Variants in ARHGDIB observed in about 807,000 individuals in gnomAD.
The protein encoded by ARHGDIB is rho GDP-dissociation inhibitor 2.
Under a neutral mutation model 22.6 loss-of-function variants are expected in ARHGDIB, and 20 were observed. That is an observed-to-expected ratio of 0.88 (90% confidence interval 0.62 to 1.28). The LOEUF is 1.28. ARHGDIB is among the 50% of genes most tolerant of loss of function. The probability of loss-of-function intolerance (pLI) is 0.00; values close to 1 mark genes in which losing one functional copy is unlikely to be tolerated. For synonymous variants in ARHGDIB, 114 were observed against 96.1 expected (o/e 1.19, Z -1.09); for missense variants, 254 against 245.4 (o/e 1.04, Z -0.23).
chr12:14,952,575 C>A (rs1864202962), intron 1 of ARHGDIB, among the ~76,000 whole-genome samples: 1 of 152,160 alleles, frequency 6.6e-6, no homozygotes, highest in Non-Finnish European at 1.5e-5. Flanking sequence ...AGTGAATGAA[C>A]TGGTTGGAAA....
chr12:14,944,277 T>A (rs955968724), intron 5 of ARHGDIB, among the ~76,000 whole-genome samples: 17 of 151,866 alleles, frequency 1.1e-4, no homozygotes, highest in Non-Finnish European at 2.1e-4. Flanking sequence ...GCTTTTTCAA[T>A]CCTAGAAAAT....
chr12:14,959,545 C>T (rs1864369640), intron 1 of ARHGDIB, among the ~76,000 whole-genome samples: 1 of 152,188 alleles, frequency 6.6e-6, no homozygotes, highest in Non-Finnish European at 1.5e-5. Context: ...TGTTGGTTCT[C>T]CTTTTCTATC....
intron 2 of ARHGDIB, among the ~76,000 whole-genome samples, chr12:14,950,136 G>T (rs773836819): frequency 5.3e-5 from 8 of 152,102 alleles, no homozygotes; most frequent in Non-Finnish European, 8.8e-5. Flanking sequence ...AATGGCTATG[G>T]GTCAGGTACT....
chr12:14,961,095 T>A (rs1332265421), intron 1 of ARHGDIB: 1 of 152,374 alleles, frequency 6.6e-6, no homozygotes, highest in Non-Finnish European at 1.5e-5. Flanking sequence ...ATTGTCTGCT[T>A]AAAAACAGGA....
Position 14,949,861 on chromosome 12 carries a change from A to G in ARHGDIB, c.206T>C (p.Val69Ala), listed in dbSNP as rs777958146. 3 of 1,613,444 alleles carry G rather than the reference A, an allele frequency of 1.9e-6. No homozygotes were observed. The highest frequency in any genetic ancestry group is 2.5e-6 in the Non-Finnish European group (3 of 1,179,694). ...VTDPKAPNVV[V>A]TRLTLVCESA... ...CTCACAAACCAGGGTGAGCCGGGTG[A>G]CAACGACATTGGGGGCTTTCGGATC... Residue 69 changes from valine (V) to alanine (A), a missense_variant, in exon 3 of 6, where the codon GTC becomes GCC. Physicochemically the swap from Val to Ala is moderately conservative, Grantham distance 64. Transcript: ENST00000228945.
At chr12:14,956,145 T>C (rs191315302) in intron 1 of ARHGDIB, 35 of 152,306 alleles carry the variant, frequency 2.3e-4, no homozygotes, top group Non-Finnish European at 4.0e-4. Flanking sequence ...TATAATAAAA[T>C]TAGAGTTTGT....
intron 2 of ARHGDIB, 23 bp downstream of exon 2, chr12:14,950,509 C>G (rs199554887): frequency 1.5e-4 from 244 of 1,593,728 alleles, no homozygotes; most frequent in Non-Finnish European, 1.3e-4. Flanking sequence ...CTTCCACCCA[C>G]CCTGTTCTCT....
At chr12:14,960,141 T>A (rs1864381852) in intron 1 of ARHGDIB, among the ~76,000 whole-genome samples, 1 of 152,140 alleles carries the variant, frequency 6.6e-6, no homozygotes, top group African/African-American at 2.4e-5. Flanking sequence ...CCATGTGAAG[T>A]GGTGACCATG....
intron 1 of ARHGDIB, chr12:14,950,936 C>T (rs1166769134): frequency 2.9e-5 from 13 of 442,998 alleles, no homozygotes; most frequent in Non-Finnish European, 4.4e-5. Flanking sequence ...TTTCTCTGTA[C>T]CATTGTAGTA....
intron 3 of ARHGDIB, 59 bp downstream of exon 3, chr12:14,949,743 C>G: frequency 6.6e-7 from 1 of 1,525,946 alleles, no homozygotes; most frequent in Non-Finnish European, 9.1e-7. Flanking sequence ...GAGACAGAGA[C>G]CAAGTTTTCT....
At chr12:14,944,753 T>C (rs1863969302) in intron 5 of ARHGDIB, 23 bp downstream of exon 5, 10 of 1,610,070 alleles carry the variant, frequency 6.2e-6, no homozygotes, top group Non-Finnish European at 8.5e-6. Context: ...TTTGGGACAG[T>C]GTGGAAATGT....
intron 1 of ARHGDIB, among the ~76,000 whole-genome samples, chr12:14,955,257 A>T (rs975753494): frequency 2.0e-5 from 3 of 152,226 alleles, no homozygotes; most frequent in Non-Finnish European, 4.4e-5. Flanking sequence ...AAGTGCAAAA[A>T]CTAAGACATA....
chr12:14,950,674 A>T lies in ARHGDIB; in HGVS notation c.39T>A (p.Asp13Glu), dbSNP rs200105682. The T allele has an allele frequency of 6.2e-7, 1 of 1,613,512 alleles. No homozygotes were observed. Among genetic ancestry groups the T allele is most frequent in the Non-Finnish European group, 8.5e-7 (1 of 1,179,796 alleles). ...EKAPEPHVEE[D>E]DDDELDSKLN... is the part of the protein sequence containing the mutation. ...GCTTGCTGTCCAGCTCATCATCGTC[A>T]TCCTCCTCCACATGTGGCTCTGGGG... The change falls in exon 2 of 6, where the codon GAT (aspartate) becomes GAA (glutamate). Residue 13 changes from aspartate (D) to glutamate (E), a missense_variant. Physicochemically the swap from Asp to Glu is conservative, Grantham distance 45. Transcript: ENST00000228945.
At chr12:14,945,928 G>A (rs1473359013) in intron 4 of ARHGDIB, among the ~76,000 whole-genome samples, 3 of 152,194 alleles carry the variant, frequency 2.0e-5, no homozygotes, top group Non-Finnish European at 4.4e-5. Flanking sequence ...GTAGCTCATA[G>A]GAATAGGGAA....
At chr12:14,960,380 C>T (rs905074600) in intron 1 of ARHGDIB, among the ~76,000 whole-genome samples, 1 of 152,152 alleles carries the variant, frequency 6.6e-6, no homozygotes, top group Non-Finnish European at 1.5e-5. Flanking sequence ...TTTTGAAGGC[C>T]CACTGATCAG....
Position 14,947,804 on chromosome 12 carries a change from C to A in ARHGDIB, c.342+69G>T, listed in dbSNP as rs181197467. On this transcript the variant is annotated intron_variant, in intron 4 of 5. Coordinates refer to ENST00000228945, the MANE Select transcript of ARHGDIB (RefSeq NM_001175.7). ...CAAAAAGTACCTCAACATGATCATG[C>A]AAGAAATGTAGTCACTGATTAAAGA... is the stretch of plus-strand genomic sequence containing the variant. 2,351 of 1,308,728 alleles carry A rather than the reference C, an allele frequency of 1.8e-3. 10 individuals are homozygous for A. The highest frequency in any genetic ancestry group is 8.4e-3 in the Middle Eastern group (42 of 5,014). The allele number at this position is 1,308,728 out of a possible 1,614,324, so 81.1% of individuals were successfully genotyped here.
At chr12:14,957,388 T>C (rs567398068) in intron 1 of ARHGDIB, among the ~76,000 whole-genome samples, 1 of 152,366 alleles carries the variant, frequency 6.6e-6, no homozygotes, top group South Asian at 2.1e-4. Context: ...GCTAGGTAAC[T>C]GTTTCCACAC....
chr12:14,955,604 A>T (rs1473346671), intron 1 of ARHGDIB, among the ~76,000 whole-genome samples: 1 of 152,182 alleles, frequency 6.6e-6, no homozygotes, highest in Non-Finnish European at 1.5e-5. Context: ...AGCAAAACTC[A>T]AGTACAATAC....
Position 14,942,195 on chromosome 12 carries a change from G to A in ARHGDIB, c.*327C>T, listed in dbSNP as rs958606250. The A allele has an allele frequency of 3.2e-6, 1 of 313,156 alleles. No individual in the cohort carries two copies. The highest frequency in any genetic ancestry group is 2.1e-5 in the African/African-American group (1 of 47,348). 19.4% of individuals were successfully genotyped at this position (313,156 alleles called of 1,614,324 possible). On this transcript the variant is annotated 3_prime_UTR_variant, in exon 6 of 6. Coordinates refer to ENST00000228945, the MANE Select transcript of ARHGDIB (RefSeq NM_001175.7). Reference sequence around the variant, plus strand: ...CTACTGGAACCTGAGTCAAAGACCTGTTAGTGATAATTTGCCCATTTTCTG... The same window carrying A: ...CTACTGGAACCTGAGTCAAAGACCTATTAGTGATAATTTGCCCATTTTCTG...
Sources: gnomAD v4.1 joint callset for allele counts (sites outside exome capture counted in the v4.1 genomes callset) on GRCh38, gnomAD v4.1.1 for gene constraint, MANE v1.5 for transcripts, NCBI Gene and HGNC (gene_info 2026-07-23, HGNC 2026-07-21) for gene names.